Variants in SPATS2L observed in about 807,000 individuals in gnomAD.
SPATS2L encodes spermatogenesis associated serine rich 2 like.
SPATS2L carries 30 observed loss-of-function variants against 59.6 expected under a neutral mutation model. The ratio of observed to expected loss-of-function variants is 0.50; its 90% CI spans 0.38 to 0.68. The LOEUF (loss-of-function observed/expected upper bound fraction) is 0.68, where lower values mean the gene tolerates loss of function less well. Ranked by LOEUF, SPATS2L falls within the 30% of genes least tolerant of loss-of-function variation. The pLI is 0.00. For synonymous variants in SPATS2L, 252 were observed against 263.5 expected (o/e 0.96, Z 0.42); for missense variants, 615 against 700.0 (o/e 0.88, Z 1.37).
intron 3 of SPATS2L, among the ~76,000 whole-genome samples, chr2:200,405,078 G>A (rs1460748535): frequency 1.3e-5 from 2 of 152,092 alleles, no homozygotes; most frequent in East Asian, 1.9e-4. Flanking sequence ...CAGGTTCCAG[G>A]GGATAAGGCC....
intron 2 of SPATS2L, among the ~76,000 whole-genome samples, chr2:200,373,812 C>T (rs1330561716): frequency 1.3e-5 from 2 of 151,926 alleles, no homozygotes; most frequent in African/African-American, 4.8e-5. Flanking sequence ...TCAGCTTGCA[C>T]CAATTTGAAG....
chr2:200,308,914 A>C, intron 1 of SPATS2L: 1 of 629,334 alleles, frequency 1.6e-6, no homozygotes, highest in South Asian at 1.9e-5. Context: ...GTCTTCAGTA[A>C]ATAGTTTTTC....
At chr2:200,381,865 A>G (rs534693773) in intron 2 of SPATS2L, among the ~76,000 whole-genome samples, 2 of 152,198 alleles carry the variant, frequency 1.3e-5, no homozygotes, top group Non-Finnish European at 2.9e-5. Flanking sequence ...AGTCAGGTAC[A>G]CAGACACTTT....
intron 8 of SPATS2L, among the ~76,000 whole-genome samples, chr2:200,441,605 C>T (rs1180916233): frequency 1.3e-5 from 2 of 152,138 alleles, no homozygotes; most frequent in Non-Finnish European, 2.9e-5. Flanking sequence ...TGGTGTCTCC[C>T]ACAGTCTCCT....
In SPATS2L at chr2:200,380,295, C is replaced by T. The variant is rs542232794; in HGVS notation, c.-22-8928C>T. On this transcript the variant is annotated intron_variant, in intron 2 of 12. Coordinates refer to ENST00000409140, the MANE Select transcript of SPATS2L (RefSeq NM_001100423.2). ...CTTCATTCATAAGCATTTGCCAGTACTAAAATGGAAAATTCAAAGCTGGGA... is the reference window on the plus strand; with the variant it reads ...CTTCATTCATAAGCATTTGCCAGTATTAAAATGGAAAATTCAAAGCTGGGA... Among the ~76,000 whole-genome samples, 12 of 152,290 alleles carry T rather than the reference C, an allele frequency of 7.9e-5. No individual in the cohort carries two copies. The South Asian group carries it at 1.9e-3, about 24-fold the overall frequency.
chr2:200,326,087 G>A (rs2079729843), intron 1 of SPATS2L, among the ~76,000 whole-genome samples: 1 of 152,182 alleles, frequency 6.6e-6, no homozygotes, highest in East Asian at 1.9e-4. Flanking sequence ...GGTAGAAAGG[G>A]TGTAGTCTGA....
chr2:200,337,848 C>T (rs1297675675), intron 2 of SPATS2L, among the ~76,000 whole-genome samples: 1 of 152,164 alleles, frequency 6.6e-6, no homozygotes, highest in Non-Finnish European at 1.5e-5. Context: ...TAATAGACTG[C>T]CAGCTGTCTA....
Position 200,478,653 on chromosome 2 carries a change from T to C in SPATS2L, c.*622T>C, listed in dbSNP as rs1413205847. 1 of 152,606 alleles carries C rather than the reference T, an allele frequency of 6.6e-6. No homozygotes were observed. Among genetic ancestry groups the C allele is most frequent in the Non-Finnish European group, 1.5e-5 (1 of 68,044 alleles). 9.5% of individuals were successfully genotyped at this position (152,606 alleles called of 1,614,324 possible). A position where few individuals can be genotyped will look rare whatever the true frequency, so the allele number is the denominator to read the frequency against. ...AGCTGTGTACAATAAATACTGTTTC[T>C]GTTGAGACAAGTACTCTTTCAGGAA... On this transcript the variant is annotated 3_prime_UTR_variant, in exon 13 of 13. Transcript: ENST00000409140.
In SPATS2L at chr2:200,313,650, C is replaced by T. The variant is rs543720672; in HGVS notation, c.-73+6728C>T. 3.3e-5 allele frequency among the ~76,000 whole-genome samples: 5 copies of T among 152,260 alleles called. No individual in the cohort carries two copies. In the East Asian group the frequency reaches 5.8e-4, roughly 18 times the overall value. ...ACAGAAAACGATGAACGCTTTTGGT[C>T]GCTTCTCTCTAGGTTTGGGTGTGTT... On this transcript the variant is annotated intron_variant, in intron 1 of 12. Transcript: ENST00000409140.
intron 11 of SPATS2L, 82 bp downstream of exon 11, chr2:200,470,098 G>A: frequency 1.7e-6 from 2 of 1,152,416 alleles, no homozygotes; most frequent in Non-Finnish European, 1.3e-6. Flanking sequence ...TGTCAGGTGT[G>A]CAGTCCCCCC....
At chr2:200,353,772 TA>T in intron 2 of SPATS2L, among the ~76,000 whole-genome samples, 1 of 152,206 alleles carries the variant, frequency 6.6e-6, no homozygotes, top group Non-Finnish European at 1.5e-5. Context: ...CTTCTACAAG[TA>T]CTGTGCCGTG....
intron 3 of SPATS2L, among the ~76,000 whole-genome samples, chr2:200,403,341 A>C (rs546152495): frequency 1.6e-4 from 25 of 152,364 alleles, no homozygotes; most frequent in Admixed American, 5.2e-4. Context: ...GAAAAATTGC[A>C]GAAGAGCACG....
intron 5 of SPATS2L, among the ~76,000 whole-genome samples, chr2:200,417,274 GAA>G (rs768010798): frequency 3.1e-4 from 47 of 152,160 alleles, no homozygotes; most frequent in Admixed American, 1.4e-3. Flanking sequence ...CATAAAACCC[GAA>G]GATTACTGAA....
intron 3 of SPATS2L, chr2:200,389,521 T>C (rs1272362771): frequency 5.0e-6 from 2 of 400,856 alleles, no homozygotes; most frequent in Non-Finnish European, 9.0e-6. Context: ...ATAAAGAAGA[T>C]ACTGTTGTTA....
chr2:200,466,206 C>T (rs2118406), intron 9 of SPATS2L, among the ~76,000 whole-genome samples: 66,369 of 152,028 alleles, frequency 0.44, 15,045 homozygotes, highest in Non-Finnish European at 0.49. Flanking sequence ...TGGACCTGCA[C>T]GTATGCTGTG....
At chr2:200,424,142 T>A (rs2106026887) in intron 6 of SPATS2L, among the ~76,000 whole-genome samples, 1 of 152,178 alleles carries the variant, frequency 6.6e-6, no homozygotes, top group East Asian at 1.9e-4. Flanking sequence ...CATAATCCAA[T>A]CAAAATCATC....
At chr2:200,391,789 C>T (rs182231917) in intron 3 of SPATS2L, among the ~76,000 whole-genome samples, 21 of 152,276 alleles carry the variant, frequency 1.4e-4, no homozygotes, top group Admixed American at 1.2e-3. Flanking sequence ...TCAAACTCAG[C>T]TGTGTTTGGT....
intron 6 of SPATS2L, among the ~76,000 whole-genome samples, chr2:200,437,007 C>T (rs2084344062): frequency 6.6e-6 from 1 of 152,156 alleles, no homozygotes; most frequent in Non-Finnish European, 1.5e-5. Flanking sequence ...CACTCTCTTG[C>T]TCCCATTCTC....
At chr2:200,375,009 CT>C (rs766922365) in intron 2 of SPATS2L, among the ~76,000 whole-genome samples, 5 of 152,196 alleles carry the variant, frequency 3.3e-5, no homozygotes, top group Non-Finnish European at 5.9e-5. Flanking sequence ...GCATCTGGTA[CT>C]TTCTGAACTT....
Sources: allele counts gnomAD v4.1 joint callset (sites outside exome capture counted in the v4.1 genomes callset), GRCh38; gene constraint gnomAD v4.1.1; transcripts MANE v1.5; gene names NCBI Gene and HGNC (gene_info 2026-07-23, HGNC 2026-07-21).